The following SH3D19 variants were observed in gnomAD, a reference collection of about 807,000 sequenced individuals.
The protein encoded by SH3D19 is SH3 domain containing 19.
Under a neutral mutation model 112.1 loss-of-function variants are expected in SH3D19, and 58 were observed. The observed-to-expected ratio is 0.52, with a 90% CI of 0.42 to 0.64. SH3D19 has a LOEUF of 0.64. SH3D19 is among the 30% of genes least tolerant of loss of function. SH3D19 has a pLI of 0.00. For synonymous variants in SH3D19, 391 were observed against 448.5 expected (o/e 0.87, Z 1.62); for missense variants, 1,090 against 1,263.4 (o/e 0.86, Z 2.08).
chr4:151,292,785 C>T (rs13134365), intron 1 of SH3D19, among the ~76,000 whole-genome samples: 1 of 152,066 alleles, frequency 6.6e-6, no homozygotes, highest in East Asian at 1.9e-4. Flanking sequence ...ATAAAAAAAA[C>T]TTTGTTTCTG....
intron 10 of SH3D19, among the ~76,000 whole-genome samples, chr4:151,148,589 G>T (rs1754366085): frequency 6.6e-6 from 1 of 152,114 alleles, no homozygotes; most frequent in South Asian, 2.1e-4. Flanking sequence ...GTGTGCTGGG[G>T]TCTTGTACAT....
At chr4:151,285,465 C>T (rs576495389) in intron 1 of SH3D19, among the ~76,000 whole-genome samples, 2 of 151,994 alleles carry the variant, frequency 1.3e-5, no homozygotes, top group Non-Finnish European at 2.9e-5. Context: ...TGGAAATTCA[C>T]AAATATGTGG....
chr4:151,148,217 T>C (rs766281233), intron 10 of SH3D19, 31 bp from the exon 11 acceptor site: 13 of 1,558,140 alleles, frequency 8.3e-6, no homozygotes, highest in Non-Finnish European at 1.1e-5. Flanking sequence ...CATGAGTCAG[T>C]GTTTTGATCA....
rs1013597042 is a variant in SH3D19, at chr4:151,177,666, A to G, written c.237-711T>C. Among the ~76,000 whole-genome samples, 5 of 152,316 alleles carry G rather than the reference A, an allele frequency of 3.3e-5. 1 individual carries two copies. In the South Asian group the frequency reaches 8.3e-4, roughly 25 times the overall value. On this transcript the variant is annotated intron_variant, in intron 4 of 19. Transcript: ENST00000604030. ...ACCCAGCTTGGTTTTCTGTTATTAT[A>G]AAGTGCATACTCTGAAATGCAAAAT...
intron 1 of SH3D19, among the ~76,000 whole-genome samples, chr4:151,250,085 A>C (rs1359651334): frequency 2.0e-5 from 3 of 152,208 alleles, no homozygotes. Context: ...TTGGAGGATA[A>C]TGTGGCAATA....
intron 1 of SH3D19, chr4:151,282,549 G>T: frequency 1.2e-6 from 1 of 856,490 alleles, no homozygotes; most frequent in Admixed American, 3.0e-5. Context: ...TTATCTATAA[G>T]TTTTTAAATA....
At chr4:151,254,748 G>A (rs958028986) in intron 1 of SH3D19, among the ~76,000 whole-genome samples, 3 of 150,794 alleles carry the variant, frequency 2.0e-5, no homozygotes, top group African/African-American at 4.9e-5. Flanking sequence ...GCAACCATCC[G>A]ATTTCTCAAT....
At position 151,120,638 on chromosome 4, in the gene SH3D19, A is replaced by G. The variant is rs575025123; in HGVS notation, c.*1453T>C. The G allele has an allele frequency of 6.3e-4, 96 of 152,350 alleles. 1 individual carries two copies. The highest frequency in any genetic ancestry group is 2.1e-3 in the African/African-American group (88 of 41,590). The allele number at this position is 152,350 out of a possible 1,614,324, so 9.4% of individuals were successfully genotyped here. On this transcript the variant is annotated 3_prime_UTR_variant, in exon 20 of 20. Coordinates refer to ENST00000604030, the MANE Select transcript of SH3D19 (RefSeq NM_001378122.1). ...AGAAGTCCCCATAGTCCAAAATAAA[A>G]TGTAACCATAGAATGGGGAGATAAC...
chr4:151,192,362 T>C (rs552119328), intron 2 of SH3D19, among the ~76,000 whole-genome samples: 1 of 152,290 alleles, frequency 6.6e-6, no homozygotes, highest in African/African-American at 2.4e-5. Context: ...TTTTGGCTTG[T>C]TGCTAAGACT....
At chr4:151,303,933 T>C (rs939130025) in intron 1 of SH3D19, among the ~76,000 whole-genome samples, 17 of 146,620 alleles carry the variant, frequency 1.2e-4, no homozygotes, top group African/African-American at 4.1e-4. Context: ...CTACCTTCTC[T>C]TGCTCTCTCA....
At chr4:151,239,644 C>A (rs1158950814) in intron 1 of SH3D19, among the ~76,000 whole-genome samples, 2 of 152,136 alleles carry the variant, frequency 1.3e-5, no homozygotes, top group South Asian at 2.1e-4. Context: ...GGATTCCCTT[C>A]TGTGGAACAG....
intron 2 of SH3D19, among the ~76,000 whole-genome samples, chr4:151,222,072 T>C (rs905064103): frequency 6.6e-6 from 1 of 152,384 alleles, no homozygotes. Flanking sequence ...CTAGCTTATT[T>C]AGCTTTTCTT....
At chr4:151,279,238 C>CG in intron 1 of SH3D19, 1 of 200,776 alleles carries the variant, frequency 5.0e-6, no homozygotes, top group Non-Finnish European at 1.0e-5. Flanking sequence ...TTTTCTTTTT[C>CG]AATTTTTTTT....
intron 1 of SH3D19, among the ~76,000 whole-genome samples, chr4:151,272,867 A>G (rs1773322944): frequency 6.6e-6 from 1 of 151,958 alleles, no homozygotes; most frequent in South Asian, 2.1e-4. Flanking sequence ...GAGGGTTCAA[A>G]TGGTAACAGC....
At chr4:151,209,798 C>T (rs1415848330) in intron 2 of SH3D19, among the ~76,000 whole-genome samples, 1 of 152,126 alleles carries the variant, frequency 6.6e-6, no homozygotes, top group African/African-American at 2.4e-5. Context: ...TTCAGAAAGG[C>T]CTCTGAAAAG....
At chr4:151,241,787 T>A (rs1188590450) in intron 1 of SH3D19, among the ~76,000 whole-genome samples, 1 of 151,770 alleles carries the variant, frequency 6.6e-6, no homozygotes, top group African/African-American at 2.4e-5. Flanking sequence ...ATTAAATGAG[T>A]GAATGGTTGA....
chr4:151,308,948 C>T (rs1424028264), intron 1 of SH3D19, among the ~76,000 whole-genome samples: 2 of 152,032 alleles, frequency 1.3e-5, no homozygotes, highest in African/African-American at 4.8e-5. Flanking sequence ...TGGCTTACTG[C>T]AGCCCCCACC....
At chr4:151,276,692 T>TA (rs1209905560) in intron 1 of SH3D19, among the ~76,000 whole-genome samples, 1 of 152,190 alleles carries the variant, frequency 6.6e-6, no homozygotes, top group African/African-American at 2.4e-5. Context: ...ATCTCTGTCT[T>TA]AGAGTCTGTT....
chr4:151,181,911 A>G (rs113810953), intron 3 of SH3D19, among the ~76,000 whole-genome samples: 16 of 152,142 alleles, frequency 1.1e-4, no homozygotes, highest in African/African-American at 1.9e-4. Context: ...GAGTAAAGAA[A>G]TACTGCCGCA....
Sources: gnomAD v4.1 joint callset for allele counts (sites outside exome capture counted in the v4.1 genomes callset) on GRCh38, gnomAD v4.1.1 for gene constraint, MANE v1.5 for transcripts, NCBI Gene and HGNC (gene_info 2026-07-23, HGNC 2026-07-21) for gene names.